SPAG16: variants seen among roughly 807,000 people sequenced by gnomAD.
SPAG16 encodes the protein sperm-associated antigen 16 protein.
In SPAG16, 86 loss-of-function variants were observed where a neutral mutation model predicts 80.4. The observed-to-expected ratio is 1.07, with a 90% CI of 0.90 to 1.28. The LOEUF is 1.28. Ranked by LOEUF, SPAG16 falls within the 50% of genes most tolerant of loss-of-function variation. The pLI, the probability that SPAG16 is intolerant of heterozygous loss-of-function variation, is 0.00. For missense variants in SPAG16, 870 were observed against 765.3 expected (o/e 1.14, Z -1.61); for synonymous variants, 294 against 265.9 (o/e 1.11, Z -1.03).
chr2:213,927,260 G>A (rs1002779293), intron 11 of SPAG16, among the ~76,000 whole-genome samples: 1 of 152,162 alleles, frequency 6.6e-6, no homozygotes, highest in Non-Finnish European at 1.5e-5. Flanking sequence ...ATCAATGTAC[G>A]GATCTGGGAA....
intron 15 of SPAG16, among the ~76,000 whole-genome samples, chr2:214,292,943 G>C (rs1416535727): frequency 6.6e-6 from 1 of 152,148 alleles, no homozygotes; most frequent in Non-Finnish European, 1.5e-5. Flanking sequence ...GAATTCCTCG[G>C]TGGCTTAGGG....
chr2:214,152,766 G>A (rs993642765), intron 15 of SPAG16, among the ~76,000 whole-genome samples: 1 of 152,198 alleles, frequency 6.6e-6, no homozygotes, highest in Non-Finnish European at 1.5e-5. Flanking sequence ...TGATAGGTAA[G>A]GTCACGTGGG....
Position 213,544,312 on chromosome 2 carries a change from C to T in SPAG16, c.1070+54222C>T, listed in dbSNP as rs1441894926. ...TGCTTATATTCTGTGAGTACAATAC[C>T]TTCTTTTATTTGTAATAGACTATTA... On this transcript the variant is annotated intron_variant, in intron 10 of 15. Transcript: ENST00000331683. 3.3e-5 allele frequency among the ~76,000 whole-genome samples: 5 copies of T among 151,812 alleles called. No individual in the cohort carries two copies. The East Asian group carries it at 7.7e-4, about 23-fold the overall frequency.
intron 10 of SPAG16, among the ~76,000 whole-genome samples, chr2:213,507,202 T>A (rs1309210637): frequency 6.6e-6 from 1 of 152,218 alleles, no homozygotes; most frequent in Non-Finnish European, 1.5e-5. Context: ...AAAAAATGCC[T>A]GGGTATTATT....
chr2:213,859,086 G>A (rs1300942002), intron 10 of SPAG16, among the ~76,000 whole-genome samples: 5 of 143,156 alleles, frequency 3.5e-5, no homozygotes, highest in Non-Finnish European at 6.0e-5. Context: ...GGCTAAGGCA[G>A]GATAATTGCT....
intron 9 of SPAG16, among the ~76,000 whole-genome samples, chr2:213,486,341 C>T (rs1051627416): frequency 3.3e-5 from 5 of 151,920 alleles, no homozygotes; most frequent in East Asian, 1.9e-4. Context: ...CTGTGCTTGG[C>T]GTATTTCACT....
At chr2:214,299,255 TTTTTTTTTTTTTTGAGAC>T (rs1694373068) in intron 15 of SPAG16, among the ~76,000 whole-genome samples, 1 of 142,958 alleles carries the variant, frequency 7.0e-6, no homozygotes, top group Admixed American at 7.0e-5. Flanking sequence ...TTTTTTTTTT[TTTTTTTTTTTTTTGAGAC>T]GGGGTCTTGC....
chr2:213,961,905 T>G (rs1275716379), intron 12 of SPAG16, among the ~76,000 whole-genome samples: 1 of 152,202 alleles, frequency 6.6e-6, no homozygotes, highest in African/African-American at 2.4e-5. Context: ...TAGAATGAGT[T>G]GGGAAGTATT....
At chr2:213,437,144 C>G (rs1015396678) in intron 9 of SPAG16, among the ~76,000 whole-genome samples, 1 of 152,140 alleles carries the variant, frequency 6.6e-6, no homozygotes, top group African/African-American at 2.4e-5. Flanking sequence ...CGTGATCTGC[C>G]CGTCTCAGCC....
intron 13 of SPAG16, among the ~76,000 whole-genome samples, chr2:214,082,864 T>C (rs905083488): frequency 2.0e-5 from 3 of 152,162 alleles, no homozygotes; most frequent in African/African-American, 7.2e-5. Flanking sequence ...CATTGCCACT[T>C]TGTTTCTCCC....
intron 10 of SPAG16, among the ~76,000 whole-genome samples, chr2:213,646,132 G>GCC (rs1476204864): frequency 2.0e-5 from 3 of 152,188 alleles, no homozygotes; most frequent in Non-Finnish European, 4.4e-5. Flanking sequence ...GGTCAGGGAG[G>GCC]GGTGGCATCA....
At chr2:214,339,809 G>C (rs1446525839) in intron 15 of SPAG16, among the ~76,000 whole-genome samples, 1 of 152,044 alleles carries the variant, frequency 6.6e-6, no homozygotes, top group Non-Finnish European at 1.5e-5. Context: ...CTCTTGATTC[G>C]GTTATGTTAC....
In SPAG16 at chr2:214,098,913, C is replaced by CTT. The variant is rs35821000; in HGVS notation, c.1528-9275_1528-9274dup. Among the ~76,000 whole-genome samples, 1,286 of 151,236 alleles carry CTT rather than the reference C, an allele frequency of 8.5e-3. 9 individuals carry two copies. The highest frequency in any genetic ancestry group is 0.031 in the Middle Eastern group (9 of 294). ...AAGTAGCTTGTATTGGTCAATGAGA[C>CTT]TTTTTTTTTGCCAGTTACAGAAGTA... On this transcript the variant is annotated intron_variant, in intron 13 of 15. Transcript: ENST00000331683.
At chr2:213,913,861 G>A (rs183963452) in intron 11 of SPAG16, among the ~76,000 whole-genome samples, 5 of 152,204 alleles carry the variant, frequency 3.3e-5, no homozygotes, top group Admixed American at 6.5e-5. Flanking sequence ...GTCTGATTTT[G>A]CAGCTTAAAT....
At position 214,145,598 on chromosome 2, in the gene SPAG16, C is replaced by T. The variant is rs372750469; in HGVS notation, c.1594-3542C>T. 3.9e-5 allele frequency among the ~76,000 whole-genome samples: 6 copies of T among 152,172 alleles called. No homozygotes were observed. The East Asian group carries it at 5.8e-4, about 15-fold the overall frequency. On this transcript the variant is annotated intron_variant, in intron 14 of 15. Transcript: ENST00000331683. ...TAACTTCATGTCTATATGGTTTTCT[C>T]ATTATAGGATCTTTAATTTGGTGGT...
At chr2:214,271,850 CCCA>C in intron 15 of SPAG16, among the ~76,000 whole-genome samples, 1 of 144,508 alleles carries the variant, frequency 6.9e-6, no homozygotes, top group African/African-American at 2.6e-5. Context: ...AAACCCCCCC[CCCA>C]AAAAAAAAGA....
chr2:213,717,683 A>T (rs2066299724), intron 10 of SPAG16, among the ~76,000 whole-genome samples: 1 of 152,164 alleles, frequency 6.6e-6, no homozygotes, highest in Non-Finnish European at 1.5e-5. Context: ...ACTATGTTAG[A>T]CATCTTACAT....
intron 11 of SPAG16, among the ~76,000 whole-genome samples, chr2:213,920,789 G>T (rs553604747): frequency 6.6e-6 from 1 of 152,222 alleles, no homozygotes; most frequent in African/African-American, 2.4e-5. Context: ...AGCATGTCGA[G>T]CCTACAGGGA....
At chr2:213,902,192 T>G (rs2077246092) in intron 11 of SPAG16, among the ~76,000 whole-genome samples, 1 of 152,184 alleles carries the variant, frequency 6.6e-6, no homozygotes, top group Non-Finnish European at 1.5e-5. Context: ...TTTCTGTGGA[T>G]ATACCAAAGA....
Sources: gnomAD v4.1 joint callset for allele counts (sites outside exome capture counted in the v4.1 genomes callset) on GRCh38, gnomAD v4.1.1 for gene constraint, MANE v1.5 for transcripts, NCBI Gene and HGNC (gene_info 2026-07-23, HGNC 2026-07-21) for gene names.